The following DPY19L1 variants were observed in gnomAD, a reference collection of about 807,000 sequenced individuals.
DPY19L1 encodes dpy-19 like C-mannosyltransferase 1.
In DPY19L1, 35 loss-of-function variants were observed where a neutral mutation model predicts 96.9. That is an observed-to-expected ratio of 0.36 (90% confidence interval 0.28 to 0.48). The LOEUF (loss-of-function observed/expected upper bound fraction) is 0.48, where lower values mean the gene tolerates loss of function less well. Among genes scored for constraint, DPY19L1 ranks in the 20% least tolerant of loss-of-function variants. The pLI, the probability that DPY19L1 is intolerant of heterozygous loss-of-function variation, is 0.99. For missense variants in DPY19L1, 521 were observed against 777.9 expected, an observed-to-expected ratio of 0.67 and a Z score of 3.93; for synonymous variants, 205 against 252.6, an observed-to-expected ratio of 0.81 and a Z score of 1.79.
At chr7:34,952,854 T>C (rs564186492) in intron 13 of DPY19L1, among the ~76,000 whole-genome samples, 1 of 152,312 alleles carries the variant, frequency 6.6e-6, no homozygotes, top group East Asian at 1.9e-4. Flanking sequence ...TTCTAGAGAT[T>C]AACCAAAAGG....
intron 10 of DPY19L1, among the ~76,000 whole-genome samples, chr7:34,961,672 T>C (rs564230163): frequency 2.6e-5 from 4 of 152,310 alleles, no homozygotes; most frequent in African/African-American, 9.6e-5. Flanking sequence ...TAAAAACTTC[T>C]GCTCTGTGAA....
At chr7:35,011,609 G>A (rs1453165194) in intron 4 of DPY19L1, among the ~76,000 whole-genome samples, 159 bp from the exon 5 acceptor site, 1 of 152,044 alleles carries the variant, frequency 6.6e-6, no homozygotes, top group African/African-American at 2.4e-5. Context: ...GAATCTCCTA[G>A]GCAGATTCTT....
intron 7 of DPY19L1, among the ~76,000 whole-genome samples, chr7:34,982,853 C>T (rs757247339): frequency 4.6e-5 from 7 of 152,152 alleles, no homozygotes; most frequent in Non-Finnish European, 7.4e-5. Flanking sequence ...TGTGAGATCA[C>T]AATCTCACAC....
chr7:34,966,809 A>T, intron 10 of DPY19L1, 85 bp downstream of exon 10: 2 of 1,220,920 alleles, frequency 1.6e-6, no homozygotes, highest in African/African-American at 1.6e-5. Context: ...AATTGTTACA[A>T]CTAGTTTCAA....
At chr7:35,037,888 C>A (rs1198389580), upstream of DPY19L1, 1 of 1,239,014 alleles carries the variant, frequency 8.1e-7, no homozygotes. Flanking sequence ...GAGGCGGCCG[C>A]CCTTCCATTG....
At chr7:34,959,466 A>G (rs1343896705) in intron 10 of DPY19L1, among the ~76,000 whole-genome samples, 6 of 152,176 alleles carry the variant, frequency 3.9e-5, no homozygotes, top group African/African-American at 9.7e-5. Context: ...AACAAACCCA[A>G]ATGCCTGTCA....
chr7:34,945,194 CT>C (rs1231749870), intron 16 of DPY19L1, among the ~76,000 whole-genome samples: 1 of 151,750 alleles, frequency 6.6e-6, no homozygotes, highest in Non-Finnish European at 1.5e-5. Flanking sequence ...CTATAGGCCT[CT>C]CTAACTCTCA....
chr7:34,975,332 TG>T (rs1250874844), intron 7 of DPY19L1, among the ~76,000 whole-genome samples: 1 of 152,206 alleles, frequency 6.6e-6, no homozygotes, highest in Non-Finnish European at 1.5e-5. Flanking sequence ...ATGTTCTGGA[TG>T]GAAGATCAAA....
intron 10 of DPY19L1, among the ~76,000 whole-genome samples, chr7:34,963,936 AT>A (rs1385222362): frequency 6.6e-6 from 1 of 152,192 alleles, no homozygotes; most frequent in Non-Finnish European, 1.5e-5. Flanking sequence ...GACTGGGAAG[AT>A]GGAAGAATAA....
At chr7:35,034,579 CT>C (rs2128684865) in intron 1 of DPY19L1, among the ~76,000 whole-genome samples, 1 of 152,286 alleles carries the variant, frequency 6.6e-6, no homozygotes, top group African/African-American at 2.4e-5. Context: ...TGAAAAGAGA[CT>C]TTTCAACAAT....
chr7:35,029,256 C>T (rs1171383110), intron 1 of DPY19L1, among the ~76,000 whole-genome samples: 8 of 152,126 alleles, frequency 5.3e-5, no homozygotes, highest in Admixed American at 4.6e-4. Flanking sequence ...TAACTTTCTT[C>T]TTATTAAAAA....
At chr7:35,009,257 A>T (rs1342814829) in intron 6 of DPY19L1, among the ~76,000 whole-genome samples, 1 of 152,254 alleles carries the variant, frequency 6.6e-6, no homozygotes, top group African/African-American at 2.4e-5. Context: ...AGGAAAGGAG[A>T]TAATGCGATA....
chr7:35,027,025 T>C (rs1786136632), intron 1 of DPY19L1, among the ~76,000 whole-genome samples: 1 of 151,854 alleles, frequency 6.6e-6, no homozygotes, highest in Non-Finnish European at 1.5e-5. Context: ...TGAAACCCCA[T>C]CTCTACTAAA....
At chr7:34,954,455 T>G (rs1784331198) in intron 13 of DPY19L1, 1 of 267,826 alleles carries the variant, frequency 3.7e-6, no homozygotes, top group African/African-American at 2.3e-5. Context: ...TTATCTACAG[T>G]TTTCCTGCGT....
chr7:35,033,970 C>CA (rs540967075), intron 1 of DPY19L1, among the ~76,000 whole-genome samples: 167 of 151,970 alleles, frequency 1.1e-3, no homozygotes, highest in East Asian at 6.0e-3. Context: ...GCCCCCTCAA[C>CA]AAAAAAATTA....
At chr7:34,970,219 G>A (rs1391987602) in intron 8 of DPY19L1, among the ~76,000 whole-genome samples, 8 of 152,080 alleles carry the variant, frequency 5.3e-5, no homozygotes, top group Admixed American at 1.3e-4. Flanking sequence ...AGGTGATGAG[G>A]TGTATGCAGC....
chr7:34,954,341 A>ATAGGCCC (rs1784328770), intron 13 of DPY19L1, among the ~76,000 whole-genome samples: 1 of 152,146 alleles, frequency 6.6e-6, no homozygotes, highest in Admixed American at 6.5e-5. Context: ...GAATGAGACT[A>ATAGGCCC]TAATACGATC....
At chr7:34,951,543 A>G (rs1411514753) in intron 13 of DPY19L1, among the ~76,000 whole-genome samples, 1 of 152,034 alleles carries the variant, frequency 6.6e-6, no homozygotes, top group Non-Finnish European at 1.5e-5. Flanking sequence ...GATACATAAA[A>G]GAGTACTACA....
intron 1 of DPY19L1, among the ~76,000 whole-genome samples, chr7:35,027,188 G>C (rs1786140801): frequency 6.6e-6 from 1 of 151,434 alleles, no homozygotes; most frequent in Non-Finnish European, 1.5e-5. Context: ...TGGGCAACAA[G>C]AGCAAAACTC....
Sources: allele counts gnomAD v4.1 joint callset (sites outside exome capture counted in the v4.1 genomes callset), GRCh38; gene constraint gnomAD v4.1.1; transcripts MANE v1.5; gene names NCBI Gene and HGNC (gene_info 2026-07-23, HGNC 2026-07-21).